Variants in DMD observed in about 807,000 individuals in gnomAD.
DMD encodes dystrophin.
DMD carries 63 observed loss-of-function variants against 330.1 expected under a neutral mutation model. That is an observed-to-expected ratio of 0.19 (90% CI 0.16 to 0.24). The LOEUF (loss-of-function observed/expected upper bound fraction) is 0.24. Ranked by LOEUF, DMD falls within the 10% of genes least tolerant of loss-of-function variation. The probability of loss-of-function intolerance (pLI) is 1.00; values close to 1 mark genes in which losing one functional copy is unlikely to be tolerated. For missense variants in DMD, 3,344 were observed against 2,684.1 expected (o/e 1.25, Z -5.43); for synonymous variants, 1,223 against 959.8 (o/e 1.27, Z -5.07).
chrX:31,436,304 A>G (rs768250645), intron 60 of DMD, among the ~76,000 whole-genome samples: 23 of 112,303 alleles, frequency 2.0e-4, no homozygotes, highest in Non-Finnish European at 3.9e-4. Context: ...GGTTCACTTT[A>G]TAAAATATCT....
At chrX:32,466,020 T>C (rs1255469070) in intron 23 of DMD, among the ~76,000 whole-genome samples, 1 of 111,497 alleles carries the variant, frequency 9.0e-6, no homozygotes, top group Non-Finnish European at 1.9e-5. Flanking sequence ...TGGGAATGTT[T>C]TGAAAACACA....
chrX:33,246,410 G>A (rs1162468209), intron 1 of DMD, among the ~76,000 whole-genome samples: 1 of 111,243 alleles, frequency 9.0e-6, no homozygotes, highest in Non-Finnish European at 1.9e-5. Flanking sequence ...GCTGTGTTGT[G>A]TTTCTAATGT....
intron 41 of DMD, among the ~76,000 whole-genome samples, chrX:32,316,712 A>G (rs1474229332): frequency 9.0e-6 from 1 of 111,504 alleles, no homozygotes; most frequent in East Asian, 2.8e-4. Context: ...GATATATACA[A>G]TAATGTTTAA....
Position 32,465,475 on chromosome X carries a change from G to T in DMD, c.3163-776C>A, listed in dbSNP as rs1400310030. On this transcript the variant is annotated intron_variant, in intron 23 of 78. Coordinates refer to ENST00000357033, the MANE Select transcript of DMD (RefSeq NM_004006.3). Reference sequence around the variant, plus strand: ...AATAATTTTTAAACTATTTATCTAAGAGAACTTCAAGACGATCACCTTGCT... The same window carrying T: ...AATAATTTTTAAACTATTTATCTAATAGAACTTCAAGACGATCACCTTGCT... Among the ~76,000 whole-genome samples the T allele has an allele frequency of 2.7e-5, 3 of 109,611 alleles. No individual in the cohort carries two copies. The Admixed American group carries it at 2.9e-4, about 11-fold the overall frequency.
chrX:32,098,114 C>T (rs1282656250), intron 44 of DMD, among the ~76,000 whole-genome samples: 2 of 111,056 alleles, frequency 1.8e-5, no homozygotes, highest in African/African-American at 6.5e-5. Flanking sequence ...CCTGTATTTG[C>T]GTGATATATG....
Position 32,755,207 on chromosome X carries a change from C to CT in DMD, c.649+54285dup, listed in dbSNP as rs201955062. On this transcript the variant is annotated intron_variant, in intron 7 of 78. Coordinates refer to ENST00000357033, the MANE Select transcript of DMD (RefSeq NM_004006.3). ...GGAGAGCTCAATAATGAAAGCTCAA[C>CT]TTTTTTTTTGTATGGGTGAATGAGT... is the stretch of plus-strand genomic sequence containing the variant. Among the ~76,000 whole-genome samples, 489 of 108,946 alleles carry CT rather than the reference C, an allele frequency of 4.5e-3. 5 individuals are homozygous for CT. Among genetic ancestry groups the CT allele is most frequent in the Admixed American group, 0.027 (268 of 10,032 alleles). 94.6% of individuals were successfully genotyped at this position (108,946 alleles called of 115,157 possible). A position where few individuals can be genotyped will look rare whatever the true frequency, so the allele number is the denominator to read the frequency against.
At chrX:32,463,134 T>A (rs913897631) in intron 25 of DMD, among the ~76,000 whole-genome samples, 2 of 111,838 alleles carry the variant, frequency 1.8e-5, no homozygotes, top group African/African-American at 6.5e-5. Flanking sequence ...TTATTATACA[T>A]TTATGTTCTG....
In DMD at chrX:31,247,596, G is replaced by C. The variant is rs1002913165; in HGVS notation, c.9286+13359C>G. On this transcript the variant is annotated intron_variant, in intron 63 of 78. Transcript: ENST00000357033. ...AGCCTGGACAACATAGCAAGACTGT[G>C]TCTCAAAAAAAAAAAAAAAAAAAAT... 1.2e-3 allele frequency among the ~76,000 whole-genome samples: 72 copies of C among 62,249 alleles called. 1 individual carries two copies. Among genetic ancestry groups the C allele is most frequent in the Non-Finnish European group, 1.7e-3 (62 of 35,742 alleles). 54.1% of individuals were successfully genotyped at this position (62,249 alleles called of 115,157 possible). A position where few individuals can be genotyped will look rare whatever the true frequency, so the allele number is the denominator to read the frequency against.
At chrX:31,494,578 A>G (rs1379358872) in intron 57 of DMD, among the ~76,000 whole-genome samples, 1 of 111,812 alleles carries the variant, frequency 8.9e-6, no homozygotes, top group African/African-American at 3.2e-5. Flanking sequence ...AGTATCACTC[A>G]TAACTCTAGC....
At chrX:32,582,317 C>T (rs959161520) in intron 13 of DMD, among the ~76,000 whole-genome samples, 1 of 110,652 alleles carries the variant, frequency 9.0e-6, no homozygotes, top group Non-Finnish European at 1.9e-5. Flanking sequence ...TACCTGGATA[C>T]AAGACCAAGA....
intron 4 of DMD, among the ~76,000 whole-genome samples, chrX:32,831,618 A>ATGATG (rs2079151508): frequency 9.2e-6 from 1 of 108,295 alleles, no homozygotes; most frequent in African/African-American, 3.4e-5. Flanking sequence ...TGATGAATAA[A>ATGATG]ACTAAGAGTT....
At chrX:32,590,818 C>T (rs1160925662) in intron 13 of DMD, among the ~76,000 whole-genome samples, 2 of 111,303 alleles carry the variant, frequency 1.8e-5, no homozygotes, top group Non-Finnish European at 3.8e-5. Flanking sequence ...ACTAGGTTCT[C>T]TCTTCTCCCA....
rs1298442966 is a variant in DMD at position 31,846,176 on chromosome X, A to C, written c.7099-9357T>G. Among the ~76,000 whole-genome samples, 4 of 111,200 alleles carry C rather than the reference A, an allele frequency of 3.6e-5. No individual in the cohort carries two copies. The East Asian group carries it at 8.5e-4, about 24-fold the overall frequency. Reference sequence around the variant, plus strand: ...ACAGATAAGCAAGGAAGCTCAAGAAATAATACAAATAATAATACTGAATAT... The same window carrying C: ...ACAGATAAGCAAGGAAGCTCAAGAACTAATACAAATAATAATACTGAATAT... On this transcript the variant is annotated intron_variant, in intron 48 of 78. Coordinates refer to ENST00000357033, the MANE Select transcript of DMD (RefSeq NM_004006.3).
intron 44 of DMD, among the ~76,000 whole-genome samples, chrX:32,051,164 G>A (rs2096111419): frequency 9.2e-6 from 1 of 108,584 alleles, no homozygotes; most frequent in Admixed American, 1.0e-4. Context: ...TTTTTCAAAT[G>A]GAAATGTATT....
chrX:32,558,945 T>TTTTTTC (rs1556795924), intron 16 of DMD, among the ~76,000 whole-genome samples: 713 of 40,119 alleles, frequency 0.018, 20 homozygotes, highest in African/African-American at 0.051. Context: ...TTTCTTTTTT[T>TTTTTTC]TTTTTTTTTT....
At chrX:33,330,753 C>G (rs954612287) in intron 1 of DMD, among the ~76,000 whole-genome samples, 1 of 112,019 alleles carries the variant, frequency 8.9e-6, no homozygotes, top group Non-Finnish European at 1.9e-5. Flanking sequence ...CTTTTTATTT[C>G]AAGTGACACT....
chrX:33,251,029 T>A (rs2148897378), intron 1 of DMD, among the ~76,000 whole-genome samples: 1 of 111,314 alleles, frequency 9.0e-6, no homozygotes, highest in African/African-American at 3.3e-5. Context: ...GATCAAGTTT[T>A]ACATCAATGC....
intron 42 of DMD, among the ~76,000 whole-genome samples, chrX:32,292,299 A>ATTTTTTTTTTTTTTTT (rs1355530949): frequency 5.2e-4 from 16 of 30,825 alleles, no homozygotes; most frequent in African/African-American, 1.9e-3. Context: ...CAAAGGGAAT[A>ATTTTTTTTTTTTTTTT]TTCTTTTTTT....
chrX:32,057,559 A>G (rs939710188), intron 44 of DMD, among the ~76,000 whole-genome samples: 1 of 111,663 alleles, frequency 9.0e-6, no homozygotes, highest in Admixed American at 9.5e-5. Flanking sequence ...CCAACCAAGA[A>G]GGTAAAAGAT....
Sources: gnomAD v4.1 joint callset for allele counts (sites outside exome capture counted in the v4.1 genomes callset) on GRCh38, gnomAD v4.1.1 for gene constraint, MANE v1.5 for transcripts, NCBI Gene and HGNC (gene_info 2026-07-23, HGNC 2026-07-21) for gene names.